The following CNTNAP2 variants were observed in gnomAD, a reference collection of about 807,000 sequenced individuals.
CNTNAP2 encodes the protein contactin associated protein 2, also known as contactin-associated protein-like 2.
In CNTNAP2, 98 loss-of-function variants were observed where a neutral mutation model predicts 155.2. The ratio of observed to expected loss-of-function variants is 0.63; its 90% CI spans 0.54 to 0.75. The LOEUF is 0.75. Among genes scored for constraint, CNTNAP2 ranks in the 30% least tolerant of loss-of-function variants. The pLI is 0.00. For missense variants in CNTNAP2, 1,727 were observed against 1,688.1 expected (o/e 1.02, Z -0.40); for synonymous variants, 651 against 631.2 (o/e 1.03, Z -0.47).
intron 1 of CNTNAP2, among the ~76,000 whole-genome samples, chr7:146,588,606 C>A (rs575172169): frequency 3.9e-5 from 6 of 152,114 alleles, no homozygotes; most frequent in African/African-American, 1.4e-4. Context: ...TCCCCAAGCT[C>A]AGGTGATCTT....
chr7:146,569,655 G>A (rs1473597786), intron 1 of CNTNAP2, among the ~76,000 whole-genome samples: 1 of 152,088 alleles, frequency 6.6e-6, no homozygotes, highest in African/African-American at 2.4e-5. Context: ...CTCCAGGTAG[G>A]GTAGCCCAAA....
Position 147,871,942 on chromosome 7 carries a change from G to C in CNTNAP2, c.2099-31623G>C, listed in dbSNP as rs144343784. ...GGAGCCACTACCTCGACATGCTCCT[G>C]GGTAATGCTTTTTTCGTACGTGTTT... On this transcript the variant is annotated intron_variant, in intron 13 of 23. Coordinates refer to ENST00000361727, the MANE Select transcript of CNTNAP2 (RefSeq NM_014141.6). Among the ~76,000 whole-genome samples the C allele has an allele frequency of 5.4e-3, 821 of 152,172 alleles. 8 individuals are homozygous for C. Among genetic ancestry groups the C allele is most frequent in the Admixed American group, 0.035 (534 of 15,270 alleles).
At chr7:147,282,890 C>T (rs1805076254) in intron 8 of CNTNAP2, among the ~76,000 whole-genome samples, 1 of 151,770 alleles carries the variant, frequency 6.6e-6, no homozygotes, top group Admixed American at 6.6e-5. Flanking sequence ...ACCACTTCAC[C>T]CAGCCACCAT....
chr7:147,275,549 A>T (rs1428614025), intron 8 of CNTNAP2, among the ~76,000 whole-genome samples: 2 of 152,020 alleles, frequency 1.3e-5, no homozygotes, highest in South Asian at 4.1e-4. Context: ...AACCTTACTG[A>T]AGTCATTTAC....
At chr7:146,582,724 A>G (rs976763795) in intron 1 of CNTNAP2, among the ~76,000 whole-genome samples, 1 of 152,062 alleles carries the variant, frequency 6.6e-6, no homozygotes, top group South Asian at 2.1e-4. Context: ...ATGTGTTTCT[A>G]TTTTCATAGA....
intron 11 of CNTNAP2, among the ~76,000 whole-genome samples, chr7:147,545,938 G>A (rs1312265902): frequency 6.6e-6 from 1 of 152,082 alleles, no homozygotes; most frequent in Non-Finnish European, 1.5e-5. Context: ...TTTATAAGGG[G>A]TTTCCCCTTT....
chr7:147,604,316 C>A, intron 12 of CNTNAP2, among the ~76,000 whole-genome samples: 1 of 151,930 alleles, frequency 6.6e-6, no homozygotes, highest in Non-Finnish European at 1.5e-5. Flanking sequence ...ATTTTCACAA[C>A]CTACTCATCT....
At chr7:148,414,166 T>G (rs1799925178) in intron 23 of CNTNAP2, among the ~76,000 whole-genome samples, 1 of 128,688 alleles carries the variant, frequency 7.8e-6, no homozygotes, top group Non-Finnish European at 1.6e-5. Flanking sequence ...AGCCTCCGCC[T>G]CCCAGGTTCA....
chr7:146,778,829 A>C (rs1477295790), intron 2 of CNTNAP2, among the ~76,000 whole-genome samples: 1 of 152,210 alleles, frequency 6.6e-6, no homozygotes, highest in South Asian at 2.1e-4. Flanking sequence ...TGTAGAAATC[A>C]GTCCTTTTCT....
intron 1 of CNTNAP2, among the ~76,000 whole-genome samples, chr7:146,402,555 A>C (rs1450616810): frequency 6.6e-6 from 1 of 152,176 alleles, no homozygotes; most frequent in Non-Finnish European, 1.5e-5. Context: ...CTCTAATTAT[A>C]TCTACCTGCC....
intron 1 of CNTNAP2, among the ~76,000 whole-genome samples, chr7:146,606,037 T>C (rs552543554): frequency 6.6e-6 from 1 of 152,192 alleles, no homozygotes; most frequent in African/African-American, 2.4e-5. Flanking sequence ...CTGATTTACA[T>C]AGAACATTAA....
In CNTNAP2 at chr7:147,692,667, A is replaced by C. The variant is rs149605884; in HGVS notation, c.2098+53361A>C. Among the ~76,000 whole-genome samples the C allele has an allele frequency of 6.4e-3, 981 of 152,210 alleles. 5 individuals are homozygous for C. Among genetic ancestry groups the C allele is most frequent in the South Asian group, 0.012 (57 of 4,832 alleles). ...ATCTTCTTTAATGAAGTAGCTGTTAAGATACGGACCATTTTTAATTGAGTT... is the reference window on the plus strand; with the variant it reads ...ATCTTCTTTAATGAAGTAGCTGTTACGATACGGACCATTTTTAATTGAGTT... On this transcript the variant is annotated intron_variant, in intron 13 of 23. Coordinates refer to ENST00000361727, the MANE Select transcript of CNTNAP2 (RefSeq NM_014141.6).
chr7:148,032,648 C>A (rs1802498940), intron 15 of CNTNAP2, among the ~76,000 whole-genome samples: 1 of 152,166 alleles, frequency 6.6e-6, no homozygotes, highest in South Asian at 2.1e-4. Flanking sequence ...AAGAAATCCT[C>A]TGCACTTGTT....
intron 21 of CNTNAP2, among the ~76,000 whole-genome samples, chr7:148,334,555 G>T (rs915302198): frequency 6.6e-6 from 1 of 152,226 alleles, no homozygotes; most frequent in Non-Finnish European, 1.5e-5. Context: ...AGTGCATGCT[G>T]GTGGACCCAC....
At chr7:147,020,536 G>A (rs1174853362) in intron 3 of CNTNAP2, among the ~76,000 whole-genome samples, 2 of 152,038 alleles carry the variant, frequency 1.3e-5, no homozygotes, top group Non-Finnish European at 2.9e-5. Flanking sequence ...ACTTAATGCT[G>A]TCATCTGGAG....
At chr7:147,962,015 A>C (rs1025539094) in intron 14 of CNTNAP2, among the ~76,000 whole-genome samples, 1 of 151,618 alleles carries the variant, frequency 6.6e-6, no homozygotes, top group African/African-American at 2.4e-5. Context: ...CTGATGTGCT[A>C]TGATGGGGAA....
chr7:147,118,309 A>G (rs1801029656), intron 5 of CNTNAP2, among the ~76,000 whole-genome samples: 1 of 152,182 alleles, frequency 6.6e-6, no homozygotes, highest in Non-Finnish European at 1.5e-5. Flanking sequence ...TCATAAGGCA[A>G]AAAAAGAAAT....
intron 1 of CNTNAP2, among the ~76,000 whole-genome samples, chr7:146,575,922 G>T (rs1798517270): frequency 6.6e-6 from 1 of 152,186 alleles, no homozygotes; most frequent in South Asian, 2.1e-4. Flanking sequence ...AAAGGAGAGA[G>T]GGAGTGAATA....
chr7:146,286,381 C>CA (rs1188450277), intron 1 of CNTNAP2, among the ~76,000 whole-genome samples: 1 of 151,954 alleles, frequency 6.6e-6, no homozygotes, highest in Non-Finnish European at 1.5e-5. Context: ...GGTGACCGTG[C>CA]AAAGCTAGAC....
Sources: allele counts gnomAD v4.1 joint callset (sites outside exome capture counted in the v4.1 genomes callset), GRCh38; gene constraint gnomAD v4.1.1; transcripts MANE v1.5; gene names NCBI Gene and HGNC (gene_info 2026-07-23, HGNC 2026-07-21).